MEF2A: variants seen among roughly 807,000 people sequenced by gnomAD.
MEF2A encodes the protein myocyte-specific enhancer factor 2A.
Under a neutral mutation model 55.8 loss-of-function variants are expected in MEF2A, and 28 were observed. The ratio of observed to expected loss-of-function variants is 0.50; its 90% CI spans 0.37 to 0.69. MEF2A has a LOEUF of 0.69. MEF2A is among the 30% of genes least tolerant of loss of function. The pLI, the probability that MEF2A is intolerant of heterozygous loss-of-function variation, is 0.00. For synonymous variants in MEF2A, 239 were observed against 227.1 expected, an observed-to-expected ratio of 1.05 and a Z score of -0.47; for missense variants, 528 against 626.2, an observed-to-expected ratio of 0.84 and a Z score of 1.67.
At chr15:99,588,718 T>C (rs997430242) in intron 1 of MEF2A, among the ~76,000 whole-genome samples, 4 of 150,972 alleles carry the variant, frequency 2.6e-5, no homozygotes, top group African/African-American at 4.9e-5. Flanking sequence ...GCTGGAGTTA[T>C]AGCCGTGAGC....
At chr15:99,700,921 GAA>G (rs34101672) in intron 8 of MEF2A, among the ~76,000 whole-genome samples, 95,477 of 151,872 alleles carry the variant, frequency 0.63, 34,283 homozygotes, top group Middle Eastern at 0.86. Flanking sequence ...TAAATAAGGG[GAA>G]AAAGGGACAA....
chr15:99,592,482 CTG>C (rs904765309), intron 1 of MEF2A, among the ~76,000 whole-genome samples: 1 of 152,096 alleles, frequency 6.6e-6, no homozygotes, highest in African/African-American at 2.4e-5. Flanking sequence ...GCAAAACACA[CTG>C]TGTTAGTCTG....
rs552701448 is a variant in MEF2A at position 99,714,779 on chromosome 15, A to G, written c.*2008A>G. 6.6e-6 allele frequency: 1 copy of G among 150,820 alleles called. No individual in the cohort carries two copies. The highest frequency in any genetic ancestry group is 1.5e-5 in the Non-Finnish European group (1 of 67,794). 9.3% of individuals were successfully genotyped at this position (150,820 alleles called of 1,614,324 possible). ...TAAATGATATTGAGCAGCTACCTAC[A>G]ATTTCTATGTACATTTTGTTCCCCC... is the stretch of plus-strand genomic sequence containing the variant. On this transcript the variant is annotated 3_prime_UTR_variant, in exon 12 of 12. Coordinates refer to ENST00000557942, the MANE Select transcript of MEF2A (RefSeq NM_001319206.4).
At chr15:99,658,158 A>G (rs561557568) in intron 4 of MEF2A, among the ~76,000 whole-genome samples, 6 of 152,318 alleles carry the variant, frequency 3.9e-5, no homozygotes, top group African/African-American at 1.4e-4. Flanking sequence ...TATGTAGATT[A>G]TAGAACAGTT....
At chr15:99,663,433 A>T (rs1487842449) in intron 4 of MEF2A, among the ~76,000 whole-genome samples, 1 of 152,066 alleles carries the variant, frequency 6.6e-6, no homozygotes, top group Admixed American at 6.5e-5. Context: ...CATATGCTCA[A>T]CTGTATAATT....
chr15:99,587,836 GTTTTTT>G (rs200357036), intron 1 of MEF2A, among the ~76,000 whole-genome samples: 2 of 151,112 alleles, frequency 1.3e-5, no homozygotes, highest in African/African-American at 4.9e-5. Flanking sequence ...CTTTATTGTA[GTTTTTT>G]TTTGTTTTTT....
chr15:99,713,578 A>G lies in MEF2A; in HGVS notation c.*807A>G, dbSNP rs1465671012. 6.6e-6 allele frequency: 1 copy of G among 152,220 alleles called. No homozygotes were observed. The highest frequency in any genetic ancestry group is 2.4e-5 in the African/African-American group (1 of 41,474). 9.4% of individuals were successfully genotyped at this position (152,220 alleles called of 1,614,324 possible). A position where few individuals can be genotyped will look rare whatever the true frequency, so the allele number is the denominator to read the frequency against. On this transcript the variant is annotated 3_prime_UTR_variant, in exon 12 of 12. Coordinates refer to ENST00000557942, the MANE Select transcript of MEF2A (RefSeq NM_001319206.4). ...TAAAGAAACTGATTTTAGCTCATGT[A>G]TATTTTATATGAAAGAAAACACCCT... is the stretch of plus-strand genomic sequence containing the variant.
chr15:99,584,177 C>T (rs1405741404), intron 1 of MEF2A, among the ~76,000 whole-genome samples: 1 of 152,056 alleles, frequency 6.6e-6, no homozygotes, highest in Non-Finnish European at 1.5e-5. Flanking sequence ...CTTATGTGAC[C>T]ACCGTCATTT....
At chr15:99,709,325 CT>C (rs1162465151) in intron 10 of MEF2A, among the ~76,000 whole-genome samples, 2 of 152,178 alleles carry the variant, frequency 1.3e-5, no homozygotes, top group East Asian at 3.9e-4. Context: ...ACTAAGAGTA[CT>C]TAAGGAGGAA....
At chr15:99,565,594 C>T (rs776881805), upstream of MEF2A, 1 of 151,910 alleles carries the variant, frequency 6.6e-6, no homozygotes, top group African/African-American at 2.4e-5. Context: ...TCCAGGGGAA[C>T]ACGGTCCTTC....
chr15:99,578,716 C>T lies in MEF2A; in HGVS notation c.-225+12612C>T, dbSNP rs953055810. On this transcript the variant is annotated intron_variant, in intron 1 of 11. Transcript: ENST00000557942. Reference sequence around the variant, plus strand: ...ACGCAGCATATTTATTCCCCAAAATCACTATGTATGCATAATCATGCAATG... The same window carrying T: ...ACGCAGCATATTTATTCCCCAAAATTACTATGTATGCATAATCATGCAATG... 2.0e-5 allele frequency among the ~76,000 whole-genome samples: 3 copies of T among 152,300 alleles called. No homozygotes were observed. The East Asian group carries it at 5.8e-4, about 29-fold the overall frequency.
intron 4 of MEF2A, among the ~76,000 whole-genome samples, chr15:99,664,438 G>A (rs1212616724): frequency 1.3e-5 from 2 of 152,150 alleles, no homozygotes; most frequent in Non-Finnish European, 2.9e-5. Flanking sequence ...CTCCTTGCAA[G>A]CACAACTGAT....
chr15:99,679,011 G>A (rs2052677525), intron 7 of MEF2A, among the ~76,000 whole-genome samples: 1 of 152,152 alleles, frequency 6.6e-6, no homozygotes, highest in Non-Finnish European at 1.5e-5. Context: ...AGTAGTCATG[G>A]AAATGCAAAA....
At position 99,714,087 on chromosome 15, in the gene MEF2A, G is replaced by A. The variant is rs1437709559; in HGVS notation, c.*1316G>A. ...TATAAAGGGGTTTCTCCCCTCACTG[G>A]TGGTGAATGTGTGATGTTACATTGT... is the stretch of plus-strand genomic sequence containing the variant. On this transcript the variant is annotated 3_prime_UTR_variant, in exon 12 of 12. Transcript: ENST00000557942. The A allele has an allele frequency of 6.6e-6, 1 of 152,160 alleles. No individual in the cohort carries two copies. The highest frequency in any genetic ancestry group is 2.4e-5 in the African/African-American group (1 of 41,428). The allele number at this position is 152,160 out of a possible 1,614,324, so 9.4% of individuals were successfully genotyped here. A position where few individuals can be genotyped will look rare whatever the true frequency, so the allele number is the denominator to read the frequency against.
At chr15:99,600,915 T>C (rs537483598) in intron 2 of MEF2A, among the ~76,000 whole-genome samples, 2 of 152,196 alleles carry the variant, frequency 1.3e-5, no homozygotes, top group Non-Finnish European at 2.9e-5. Flanking sequence ...TAGAATCAGC[T>C]TCTTAATTTC....
chr15:99,659,411 A>G (rs2048272094), intron 4 of MEF2A, among the ~76,000 whole-genome samples: 1 of 152,132 alleles, frequency 6.6e-6, no homozygotes, highest in Non-Finnish European at 1.5e-5. Flanking sequence ...TGAGGAAGAT[A>G]GGGGTGATAA....
chr15:99,687,939 A>C (rs1045062968), intron 7 of MEF2A, among the ~76,000 whole-genome samples: 1 of 152,102 alleles, frequency 6.6e-6, no homozygotes, highest in Non-Finnish European at 1.5e-5. Flanking sequence ...ATGATTTCCA[A>C]TTTTAGGCAG....
Position 99,607,071 on chromosome 15 carries a change from C to T in MEF2A, c.-143+8560C>T, listed in dbSNP as rs139815468. 7.6e-4 allele frequency among the ~76,000 whole-genome samples: 116 copies of T among 152,020 alleles called. No homozygotes were observed. In the East Asian group the frequency reaches 0.016, roughly 21 times the overall value. ...AAATCACACATTATGTGTGATTCCA[C>T]GTATATAAAGTAAAAACAAAACATG... is the stretch of plus-strand genomic sequence containing the variant. On this transcript the variant is annotated intron_variant, in intron 2 of 11. Coordinates refer to ENST00000557942, the MANE Select transcript of MEF2A (RefSeq NM_001319206.4).
chr15:99,665,817 C>G (rs1035302056), intron 4 of MEF2A, among the ~76,000 whole-genome samples: 34 of 150,182 alleles, frequency 2.3e-4, no homozygotes, highest in Non-Finnish European at 3.8e-4. Flanking sequence ...ATTTATGCAG[C>G]CAACAAACAT....
Sources: allele counts gnomAD v4.1 joint callset (sites outside exome capture counted in the v4.1 genomes callset), GRCh38; gene constraint gnomAD v4.1.1; transcripts MANE v1.5; gene names NCBI Gene and HGNC (gene_info 2026-07-23, HGNC 2026-07-21).